Variants in AHR observed in about 807,000 individuals in gnomAD.
AHR encodes the protein AH-receptor.
Under a neutral mutation model 86.8 loss-of-function variants are expected in AHR, and 40 were observed. The ratio of observed to expected loss-of-function variants is 0.46; its 90% CI spans 0.36 to 0.60. The LOEUF (loss-of-function observed/expected upper bound fraction) is 0.60. Among genes scored for constraint, AHR ranks in the 20% least tolerant of loss-of-function variants. The pLI, the probability that AHR is intolerant of heterozygous loss-of-function variation, is 0.00. For synonymous variants in AHR, 398 were observed against 354.9 expected (o/e 1.12, Z -1.37); for missense variants, 1,001 against 1,011.6 (o/e 0.99, Z 0.14).
At chr7:17,324,979 AT>A (rs1209385893) in intron 3 of AHR, among the ~76,000 whole-genome samples, 1 of 152,194 alleles carries the variant, frequency 6.6e-6, no homozygotes, top group Non-Finnish European at 1.5e-5. Flanking sequence ...TATTGTTAAA[AT>A]CTTGCAGCTT....
Position 17,302,335 on chromosome 7 carries a change from A to G in AHR, c.65+3006A>G, listed in dbSNP as rs1489759472. 2.6e-5 allele frequency among the ~76,000 whole-genome samples: 4 copies of G among 151,972 alleles called. No homozygotes were observed. The East Asian group carries it at 7.7e-4, about 29-fold the overall frequency. On this transcript the variant is annotated intron_variant, in intron 1 of 10. Transcript: ENST00000242057. ...AAAATGCATACTGATAAAAACTTTT[A>G]CTTTTATTAACATATTAATAATATA...
Position 17,340,114 on chromosome 7 carries a change from A to G in AHR, c.2289A>G (p.Thr763=), listed in dbSNP as rs776489857. 1 of 1,614,090 alleles carries G rather than the reference A, an allele frequency of 6.2e-7. No individual in the cohort carries two copies. Among genetic ancestry groups the G allele is most frequent in the Non-Finnish European group, 8.5e-7 (1 of 1,180,046 alleles). The change falls in exon 10 of 11, where the codon ACA becomes ACG. Residue 763 remains threonine, a synonymous_variant. Transcript: ENST00000242057. ...NPQSAIITPQ[T]CYAGAVSMYQ... ...AGTCAGCCATAATAACTCCTCAGAC[A>G]TGTTATGCTGGGGCCGTGTCGATGT...
rs1185451277 is a variant in AHR, at chr7:17,299,179, C to T, written c.-86C>T. 2.8e-6 allele frequency: 4 copies of T among 1,428,748 alleles called. No individual in the cohort carries two copies. Among genetic ancestry groups the T allele is most frequent in the Non-Finnish European group, 3.7e-6 (4 of 1,082,270 alleles). 88.5% of individuals were successfully genotyped at this position (1,428,748 alleles called of 1,614,324 possible). A position where few individuals can be genotyped will look rare whatever the true frequency, so the allele number is the denominator to read the frequency against. ...GCGGCTTCGCGGAACCCGGCGCCGGCCGCCGCAGTGGTCCCAGCCTACACC... is the reference window on the plus strand; with the variant it reads ...GCGGCTTCGCGGAACCCGGCGCCGGTCGCCGCAGTGGTCCCAGCCTACACC... On this transcript the variant is annotated 5_prime_UTR_variant, in exon 1 of 11. Coordinates refer to ENST00000242057, the MANE Select transcript of AHR (RefSeq NM_001621.5).
At chr7:17,309,579 C>G (rs966218967) in intron 1 of AHR, among the ~76,000 whole-genome samples, 3 of 152,148 alleles carry the variant, frequency 2.0e-5, no homozygotes, top group African/African-American at 7.2e-5. Context: ...TATAATTTAT[C>G]ACAAATTTCT....
intron 8 of AHR, among the ~76,000 whole-genome samples, chr7:17,335,286 T>C (rs1375874359): frequency 6.6e-6 from 1 of 152,098 alleles, no homozygotes; most frequent in Non-Finnish European, 1.5e-5. Context: ...TCTATGTTAA[T>C]ATTGTAACAA....
At chr7:17,308,411 A>G (rs1283616899) in intron 1 of AHR, among the ~76,000 whole-genome samples, 2 of 152,130 alleles carry the variant, frequency 1.3e-5, no homozygotes, top group African/African-American at 4.8e-5. Flanking sequence ...AATAGTTAGG[A>G]GAAAAGTGTT....
chr7:17,331,496 T>G (rs558689842), intron 6 of AHR, among the ~76,000 whole-genome samples: 3 of 151,968 alleles, frequency 2.0e-5, no homozygotes, highest in Non-Finnish European at 4.4e-5. Flanking sequence ...GCCTTGTATT[T>G]TGACTATTTT....
At chr7:17,317,487 CGAA>C (rs1236371212) in intron 2 of AHR, among the ~76,000 whole-genome samples, 1 of 151,966 alleles carries the variant, frequency 6.6e-6, no homozygotes, top group African/African-American at 2.4e-5. Context: ...TATTATTTCC[CGAA>C]GAAGTTCACA....
Position 17,334,947 on chromosome 7 carries a change from G to T in AHR, c.969G>T (p.Gln323His). Residue 323 changes from glutamine to histidine, a missense_variant, in exon 8 of 11, where the codon CAG (glutamine) becomes CAT (histidine). Physicochemically the swap from Gln to His is conservative, Grantham distance 24. Transcript: ENST00000242057. ...TGTGCACGAGAGGCTCAGGTTATCA[G>T]TTTATTCATGCAGCTGATATGCTTT... ...AELCTRGSGYQFIHAADMLYC... is the reference protein window; with the variant it reads ...AELCTRGSGYHFIHAADMLYC... 1.2e-6 allele frequency: 2 copies of T among 1,613,346 alleles called. No homozygotes were observed. Among genetic ancestry groups the T allele is most frequent in the Non-Finnish European group, 1.7e-6 (2 of 1,179,464 alleles).
rs1008900681 is a variant in AHR, at chr7:17,345,443, A to G, written c.*2379A>G. On this transcript the variant is annotated 3_prime_UTR_variant, in exon 11 of 11. Transcript: ENST00000242057. The stretch of plus-strand genomic sequence containing the variant: ...TCAAAACTTTAAACCTGTAGAATCA[A>G]TTTAAGTGTTGGAAAAAATTTGTCT... The G allele has an allele frequency of 3.3e-5, 5 of 152,660 alleles. No homozygotes were observed. Among genetic ancestry groups the G allele is most frequent in the Non-Finnish European group, 7.3e-5 (5 of 68,030 alleles). 9.5% of individuals were successfully genotyped at this position (152,660 alleles called of 1,614,324 possible).
At chr7:17,312,063 G>A (rs571695149) in intron 2 of AHR, among the ~76,000 whole-genome samples, 126 of 152,268 alleles carry the variant, frequency 8.3e-4, no homozygotes, top group African/African-American at 2.9e-3. Context: ...TTGGTGATAG[G>A]GCTAGATGCA....
intron 3 of AHR, among the ~76,000 whole-genome samples, chr7:17,323,643 C>G (rs144001386): frequency 0.024 from 3,692 of 152,122 alleles, 138 homozygotes; most frequent in Middle Eastern, 0.085. Flanking sequence ...AAAAAGTAAC[C>G]CTAAGTTTCG....
chr7:17,329,096 AT>A (rs1050871292), intron 4 of AHR, among the ~76,000 whole-genome samples: 14 of 151,866 alleles, frequency 9.2e-5, no homozygotes, highest in African/African-American at 3.1e-4. Flanking sequence ...ATACACATGG[AT>A]TTTTTTCCTA....
At chr7:17,319,158 T>G (rs998609767) in intron 2 of AHR, among the ~76,000 whole-genome samples, 1 of 152,130 alleles carries the variant, frequency 6.6e-6, no homozygotes, top group African/African-American at 2.4e-5. Context: ...AGTTACCTCC[T>G]TAGGGGCACT....
In AHR at chr7:17,342,977, C is replaced by T. The variant is rs748843364; in HGVS notation, c.2460C>T (p.Asn820=). 8.1e-6 allele frequency: 13 copies of T among 1,613,136 alleles called. No individual in the cohort carries two copies. In the South Asian group the frequency reaches 1.3e-4, roughly 16 times the overall value. Residue 820 remains asparagine (N), a synonymous_variant, in exon 11 of 11, where the codon AAC becomes AAT. Coordinates refer to ENST00000242057, the MANE Select transcript of AHR (RefSeq NM_001621.5). ...TYPAELNNIN[N]TQTTTHLQPL... ...CAGCTGAATTAAATAACATAAATAA[C>T]ACTCAGACTACCACACATCTTCAGC...
chr7:17,311,891 G>A (rs1051520621), intron 2 of AHR, among the ~76,000 whole-genome samples: 4 of 151,994 alleles, frequency 2.6e-5, no homozygotes, highest in African/African-American at 9.7e-5. Flanking sequence ...ACTTTTTTCT[G>A]GGAACCTTCG....
chr7:17,329,190 A>G (rs1020952899), intron 4 of AHR, among the ~76,000 whole-genome samples: 3 of 151,906 alleles, frequency 2.0e-5, no homozygotes, highest in Non-Finnish European at 2.9e-5. Context: ...ATGGGTATGC[A>G]GTCGAGACAG....
At chr7:17,322,290 A>G (rs1044845953) in intron 2 of AHR, among the ~76,000 whole-genome samples, 2 of 151,994 alleles carry the variant, frequency 1.3e-5, no homozygotes, top group Non-Finnish European at 2.9e-5. Context: ...TAAACCCTTC[A>G]GTTTTGTTAC....
rs140821416 is a variant in AHR, at chr7:17,330,000, C to T, written c.499C>T (p.Arg167Ter). The T allele has an allele frequency of 1.2e-6, 2 of 1,610,748 alleles. No individual in the cohort carries two copies. The highest frequency in any genetic ancestry group is 1.1e-5 in the South Asian group (1 of 90,998). Reference protein sequence around the residue: ...SVYELIHTEDRAEFQRQLHWA... With the variant: ...SVYELIHTED ...ATATGAACTTATCCATACCGAAGACCGAGCTGAATTTCAGCGTCAGCTACA... is the reference window on the plus strand; with the variant it reads ...ATATGAACTTATCCATACCGAAGACTGAGCTGAATTTCAGCGTCAGCTACA... Residue 167 changes from arginine to a stop codon, truncating the protein, a stop_gained, in exon 5 of 11, where the codon CGA becomes TGA. Coordinates refer to ENST00000242057, the MANE Select transcript of AHR (RefSeq NM_001621.5). LOFTEE classifies it high-confidence loss of function.
Sources: allele counts gnomAD v4.1 joint callset (sites outside exome capture counted in the v4.1 genomes callset), GRCh38; gene constraint gnomAD v4.1.1; transcripts MANE v1.5; gene names NCBI Gene and HGNC (gene_info 2026-07-23, HGNC 2026-07-21).